PXDNL: variants seen among roughly 807,000 people sequenced by gnomAD.
The protein encoded by PXDNL is peroxidasin like.
A neutral mutation model predicts 150.8 loss-of-function variants in PXDNL; 145 were observed. The observed-to-expected ratio is 0.96, with a 90% CI of 0.84 to 1.10. PXDNL has a LOEUF of 1.10. Among genes scored for constraint, PXDNL ranks in the 50% least tolerant of loss-of-function variants. The pLI, the probability that PXDNL is intolerant of heterozygous loss-of-function variation, is 0.00. For missense variants in PXDNL, 2,087 were observed against 1,873.9 expected, an observed-to-expected ratio of 1.11 and a Z score of -2.10; for synonymous variants, 757 against 725.7, an observed-to-expected ratio of 1.04 and a Z score of -0.69.
At chr8:51,495,402 C>A (rs1415213724) in intron 5 of PXDNL, among the ~76,000 whole-genome samples, 1 of 151,996 alleles carries the variant, frequency 6.6e-6, no homozygotes, top group African/African-American at 2.4e-5. Flanking sequence ...CATTCAAAAG[C>A]TAGCAGAAGG....
At chr8:51,646,739 G>A (rs1419077987) in intron 2 of PXDNL, among the ~76,000 whole-genome samples, 4 of 152,152 alleles carry the variant, frequency 2.6e-5, no homozygotes, top group East Asian at 3.9e-4. Context: ...TCAGATCAAA[G>A]GAAGACATGT....
chr8:51,531,330 T>TTTGC (rs1811900040), intron 4 of PXDNL, among the ~76,000 whole-genome samples: 2 of 152,218 alleles, frequency 1.3e-5, no homozygotes, highest in African/African-American at 2.4e-5. Context: ...CTAACGAGTC[T>TTTGC]TTGCTTGCTT....
intron 2 of PXDNL, among the ~76,000 whole-genome samples, chr8:51,601,325 A>G (rs1424726846): frequency 6.6e-6 from 1 of 151,928 alleles, no homozygotes; most frequent in African/African-American, 2.4e-5. Flanking sequence ...TGGGGTGTTG[A>G]AGTTCATGAA....
chr8:51,383,888 A>G (rs1260863425), intron 17 of PXDNL, among the ~76,000 whole-genome samples: 1 of 152,204 alleles, frequency 6.6e-6, no homozygotes, highest in Non-Finnish European at 1.5e-5. Flanking sequence ...ACTTTCATTC[A>G]GCTGGATCAT....
chr8:51,457,636 G>C lies in PXDNL; in HGVS notation c.844C>G (p.Leu282Val). The C allele has an allele frequency of 6.2e-7, 1 of 1,613,584 alleles. No individual in the cohort carries two copies. The highest frequency in any genetic ancestry group is 8.5e-7 in the Non-Finnish European group (1 of 1,179,714). The stretch of plus-strand genomic sequence containing the variant: ...AGTGTGCCATCATCAAACACATTAA[G>C]TCGAGTATCATCTTCCAAATCCAAT... ...HSLDLEDDTR[L>V]NVFDDGTLMI... The change falls in exon 9 of 23, where the codon CTT becomes GTT. Residue 282 changes from leucine (L) to valine (V), a missense_variant. Transcript: ENST00000356297.
At chr8:51,506,842 AAG>A (rs1463130662) in intron 4 of PXDNL, among the ~76,000 whole-genome samples, 13 of 152,202 alleles carry the variant, frequency 8.5e-5, no homozygotes, top group Admixed American at 8.5e-4. Context: ...AAGGCTTTTC[AAG>A]ATTGAGCGCC....
chr8:51,755,509 C>T (rs981087683), intron 1 of PXDNL, among the ~76,000 whole-genome samples: 2 of 152,022 alleles, frequency 1.3e-5, no homozygotes, highest in African/African-American at 4.8e-5. Context: ...GCAGGCTGGT[C>T]TCAAACTCCT....
At chr8:51,528,248 T>A (rs1775011222) in intron 4 of PXDNL, among the ~76,000 whole-genome samples, 1 of 151,506 alleles carries the variant, frequency 6.6e-6, no homozygotes, top group South Asian at 2.1e-4. Context: ...TACCAGCTAG[T>A]GTCATAAAGA....
intron 4 of PXDNL, among the ~76,000 whole-genome samples, chr8:51,510,845 C>T (rs1811399905): frequency 6.6e-6 from 1 of 152,104 alleles, no homozygotes; most frequent in African/African-American, 2.4e-5. Flanking sequence ...TGCCTGTGAA[C>T]ACTGAGATAT....
At chr8:51,370,616 T>C (rs1807072919) in intron 19 of PXDNL, among the ~76,000 whole-genome samples, 6 of 152,098 alleles carry the variant, frequency 3.9e-5, no homozygotes, top group Admixed American at 3.9e-4. Context: ...GACTCAGGTG[T>C]CATTGAGTCT....
rs369124406 is a variant in PXDNL at position 51,367,805 on chromosome 8, A to T, written c.3901+4068T>A. ...ACCATGTTGTTTTAGAATAGTTTGAAGAGAAACTGAAATTCATGGGTTAAA... is the reference window on the plus strand; with the variant it reads ...ACCATGTTGTTTTAGAATAGTTTGATGAGAAACTGAAATTCATGGGTTAAA... On this transcript the variant is annotated intron_variant, in intron 19 of 22. Transcript: ENST00000356297. Among the ~76,000 whole-genome samples the T allele has an allele frequency of 4.5e-4, 68 of 152,332 alleles. 2 individuals are homozygous for T. In the East Asian group the frequency reaches 0.011, roughly 25 times the overall value.
At chr8:51,378,674 G>A (rs1026652327) in intron 17 of PXDNL, among the ~76,000 whole-genome samples, 1 of 152,186 alleles carries the variant, frequency 6.6e-6, no homozygotes, top group East Asian at 1.9e-4. Context: ...TCACTGTGAA[G>A]ATCTGCAACT....
chr8:51,631,167 A>G (rs1290378659), intron 2 of PXDNL, among the ~76,000 whole-genome samples: 2 of 152,160 alleles, frequency 1.3e-5, no homozygotes, highest in African/African-American at 4.8e-5. Flanking sequence ...ATCCTTAGTA[A>G]ACTAATGCAG....
At chr8:51,341,452 G>A (rs533281048) in intron 20 of PXDNL, among the ~76,000 whole-genome samples, 2 of 151,892 alleles carry the variant, frequency 1.3e-5, no homozygotes, top group South Asian at 4.2e-4. Context: ...GTTTTTGTTT[G>A]TTTATTTTCA....
chr8:51,453,257 T>C (rs946681098), intron 10 of PXDNL, among the ~76,000 whole-genome samples: 1 of 152,214 alleles, frequency 6.6e-6, no homozygotes, highest in South Asian at 2.1e-4. Flanking sequence ...AAATATCTCT[T>C]GACAGTTTCC....
chr8:51,329,386 C>T (rs933017159), intron 21 of PXDNL, among the ~76,000 whole-genome samples: 1 of 152,172 alleles, frequency 6.6e-6, no homozygotes, highest in Non-Finnish European at 1.5e-5. Context: ...AAACACTAAA[C>T]ACAGCACAAC....
intron 1 of PXDNL, among the ~76,000 whole-genome samples, chr8:51,683,897 A>G (rs1270858157): frequency 6.6e-6 from 1 of 152,172 alleles, no homozygotes; most frequent in African/African-American, 2.4e-5. Context: ...CTTCGAATAT[A>G]TTGTTCTTAC....
chr8:51,411,505 T>G, intron 15 of PXDNL, 98 bp from the exon 16 acceptor site: 1 of 1,128,130 alleles, frequency 8.9e-7, no homozygotes, highest in Non-Finnish European at 1.2e-6. Context: ...TCCCAAACAT[T>G]CGAGAAGAAT....
chr8:51,589,919 T>C (rs1813406099), intron 3 of PXDNL, among the ~76,000 whole-genome samples: 1 of 152,172 alleles, frequency 6.6e-6, no homozygotes, highest in South Asian at 2.1e-4. Context: ...TCACAGATAG[T>C]GATTCAGGTG....
Sources: gnomAD v4.1 joint callset for allele counts (sites outside exome capture counted in the v4.1 genomes callset) on GRCh38, gnomAD v4.1.1 for gene constraint, MANE v1.5 for transcripts, NCBI Gene and HGNC (gene_info 2026-07-23, HGNC 2026-07-21) for gene names.